Variants in SLC25A21 observed in about 807,000 individuals in gnomAD.
SLC25A21 encodes the protein solute carrier family 25 member 21.
A neutral mutation model predicts 43.8 loss-of-function variants in SLC25A21; 47 were observed. The observed-to-expected ratio is 1.07, with a 90% confidence interval of 0.85 to 1.37. The LOEUF (loss-of-function observed/expected upper bound fraction) is 1.37, where lower values mean the gene tolerates loss of function less well. SLC25A21 is among the 40% of genes most tolerant of loss of function. SLC25A21 has a pLI of 0.00. For synonymous variants in SLC25A21, 131 were observed against 121.3 expected (o/e 1.08, Z -0.52); for missense variants, 352 against 350.2 (o/e 1.00, Z -0.04).
At chr14:36,743,204 T>A (rs1476552876) in intron 3 of SLC25A21, among the ~76,000 whole-genome samples, 1 of 152,082 alleles carries the variant, frequency 6.6e-6, no homozygotes, top group East Asian at 1.9e-4. Context: ...AAAAGATACT[T>A]GAGAAGCAAC....
intron 1 of SLC25A21, among the ~76,000 whole-genome samples, chr14:37,022,883 A>C (rs1303202409): frequency 1.3e-5 from 2 of 152,106 alleles, no homozygotes; most frequent in Non-Finnish European, 2.9e-5. Context: ...CTGAATTGTG[A>C]GTCAACATTT....
At chr14:36,732,278 T>C (rs1472887482) in intron 4 of SLC25A21, among the ~76,000 whole-genome samples, 1 of 152,028 alleles carries the variant, frequency 6.6e-6, no homozygotes, top group African/African-American at 2.4e-5. Flanking sequence ...GTGAACTAAT[T>C]AGCCTTCATA....
At chr14:37,145,978 G>T (rs1326293364) in intron 1 of SLC25A21, among the ~76,000 whole-genome samples, 2 of 152,000 alleles carry the variant, frequency 1.3e-5, no homozygotes, top group African/African-American at 4.8e-5. Flanking sequence ...CGGTTCCTAG[G>T]GTAATGTCTC....
chr14:36,713,459 G>A (rs889184046), intron 6 of SLC25A21, among the ~76,000 whole-genome samples: 1 of 152,006 alleles, frequency 6.6e-6, no homozygotes, highest in Non-Finnish European at 1.5e-5. Context: ...GTGTGTATAA[G>A]CAAATGTAAT....
chr14:37,080,311 G>A (rs149074503), intron 1 of SLC25A21, among the ~76,000 whole-genome samples: 7 of 152,120 alleles, frequency 4.6e-5, no homozygotes, highest in African/African-American at 9.7e-5. Flanking sequence ...AACCACTCAC[G>A]GCCAAGAGCG....
At chr14:36,833,254 T>C (rs1889097585) in intron 2 of SLC25A21, among the ~76,000 whole-genome samples, 1 of 152,066 alleles carries the variant, frequency 6.6e-6, no homozygotes, top group Admixed American at 6.6e-5. Context: ...TGATGGACGA[T>C]AGAATAGATG....
intron 1 of SLC25A21, among the ~76,000 whole-genome samples, chr14:37,046,076 A>G (rs1263996585): frequency 1.3e-5 from 2 of 152,202 alleles, no homozygotes; most frequent in African/African-American, 2.4e-5. Context: ...TCATTTTACA[A>G]ATAAGGCCAC....
chr14:37,015,628 C>T (rs1960837317), intron 1 of SLC25A21, among the ~76,000 whole-genome samples: 1 of 151,480 alleles, frequency 6.6e-6, no homozygotes, highest in Admixed American at 6.6e-5. Flanking sequence ...CTGACTTCCA[C>T]AATGGTTGAA....
intron 2 of SLC25A21, among the ~76,000 whole-genome samples, chr14:36,843,168 A>G (rs1023955148): frequency 6.6e-6 from 1 of 152,192 alleles, no homozygotes; most frequent in Admixed American, 6.5e-5. Flanking sequence ...ACAGACCAGT[A>G]CTGCTCCCTG....
At chr14:36,707,377 A>G (rs1417534622) in intron 7 of SLC25A21, among the ~76,000 whole-genome samples, 2 of 152,176 alleles carry the variant, frequency 1.3e-5, no homozygotes, top group Non-Finnish European at 2.9e-5. Flanking sequence ...TGCTTGGCAC[A>G]TGTTAGACAC....
intron 3 of SLC25A21, among the ~76,000 whole-genome samples, chr14:36,769,627 T>A (rs1886544365): frequency 6.6e-6 from 1 of 152,238 alleles, no homozygotes. Context: ...GGTGCATGTT[T>A]ACATTTTTCT....
At chr14:37,053,852 A>G (rs568411153) in intron 1 of SLC25A21, among the ~76,000 whole-genome samples, 5 of 152,348 alleles carry the variant, frequency 3.3e-5, no homozygotes, top group Non-Finnish European at 7.3e-5. Flanking sequence ...TTGAGCATCA[A>G]TAAAAAATAA....
intron 1 of SLC25A21, among the ~76,000 whole-genome samples, chr14:37,067,596 G>C (rs1459689946): frequency 2.0e-5 from 3 of 152,152 alleles, no homozygotes; most frequent in African/African-American, 7.2e-5. Context: ...TGAGATGCAA[G>C]AAGTAATGAC....
chr14:37,042,003 A>G (rs1185190484), intron 1 of SLC25A21, among the ~76,000 whole-genome samples: 1 of 152,222 alleles, frequency 6.6e-6, no homozygotes, highest in Non-Finnish European at 1.5e-5. Context: ...CATCAAGTGG[A>G]GAAGCTGTGA....
intron 1 of SLC25A21, among the ~76,000 whole-genome samples, chr14:37,064,659 T>A (rs1447498563): frequency 6.6e-6 from 1 of 152,150 alleles, no homozygotes; most frequent in African/African-American, 2.4e-5. Context: ...TCTATCATTT[T>A]TGCTACCACC....
At chr14:36,856,877 A>G (rs1889915682) in intron 2 of SLC25A21, among the ~76,000 whole-genome samples, 1 of 152,156 alleles carries the variant, frequency 6.6e-6, no homozygotes, top group Non-Finnish European at 1.5e-5. Context: ...GTTGACATGA[A>G]TATCTGGCTT....
intron 3 of SLC25A21, among the ~76,000 whole-genome samples, chr14:36,759,890 C>A (rs1886077347): frequency 1.3e-5 from 2 of 152,266 alleles, no homozygotes; most frequent in East Asian, 1.9e-4. Context: ...ATCGTTTGAA[C>A]CCAGGAGGCG....
intron 3 of SLC25A21, among the ~76,000 whole-genome samples, chr14:36,785,764 C>T (rs987240837): frequency 5.3e-5 from 8 of 152,180 alleles, no homozygotes; most frequent in Non-Finnish European, 7.4e-5. Flanking sequence ...AGAATAATGA[C>T]GGTGCAAGAA....
intron 1 of SLC25A21, among the ~76,000 whole-genome samples, chr14:37,093,082 T>C (rs1209521498): frequency 1.3e-5 from 2 of 152,176 alleles, no homozygotes; most frequent in African/African-American, 4.8e-5. Flanking sequence ...ACATCTTCCA[T>C]GGATGTAAAA....
Sources: allele counts gnomAD v4.1 joint callset (sites outside exome capture counted in the v4.1 genomes callset), GRCh38; gene constraint gnomAD v4.1.1; transcripts MANE v1.5; gene names NCBI Gene and HGNC (gene_info 2026-07-23, HGNC 2026-07-21).